TTC7B: variants seen among roughly 807,000 people sequenced by gnomAD.
TTC7B encodes tetratricopeptide repeat protein 7B.
In TTC7B, 28 loss-of-function variants were observed where a neutral mutation model predicts 106.8. The ratio of observed to expected loss-of-function variants is 0.26; its 90% CI spans 0.19 to 0.36. TTC7B has a LOEUF of 0.36. Among genes scored for constraint, TTC7B ranks in the 10% least tolerant of loss-of-function variants. The pLI is 1.00. For synonymous variants in TTC7B, 405 were observed against 430.6 expected, an observed-to-expected ratio of 0.94 and a Z score of 0.74; for missense variants, 862 against 1,076.4, an observed-to-expected ratio of 0.80 and a Z score of 2.79.
chr14:90,745,955 A>T (rs1053510024), intron 3 of TTC7B, among the ~76,000 whole-genome samples: 1 of 150,754 alleles, frequency 6.6e-6, no homozygotes, highest in African/African-American at 2.4e-5. Context: ...TGCCCGACTC[A>T]GCCTCCCAAA....
At chr14:90,563,972 C>T (rs1264506400) in intron 19 of TTC7B, among the ~76,000 whole-genome samples, 2 of 152,028 alleles carry the variant, frequency 1.3e-5, no homozygotes, top group Non-Finnish European at 2.9e-5. Context: ...GTCTTGACCC[C>T]CTCAAAGTCA....
At chr14:90,701,407 A>G (rs1887978547) in intron 5 of TTC7B, among the ~76,000 whole-genome samples, 1 of 152,086 alleles carries the variant, frequency 6.6e-6, no homozygotes, top group African/African-American at 2.4e-5. Flanking sequence ...AAGAAGTCAC[A>G]GAGAGTGGCT....
At chr14:90,803,198 C>A in intron 1 of TTC7B, among the ~76,000 whole-genome samples, 1 of 151,980 alleles carries the variant, frequency 6.6e-6, no homozygotes, top group Non-Finnish European at 1.5e-5. Context: ...GGTCACCCCT[C>A]CCCTCTAAAC....
intron 2 of TTC7B, among the ~76,000 whole-genome samples, chr14:90,781,274 A>G (rs1302361076): frequency 6.6e-6 from 1 of 152,080 alleles, no homozygotes; most frequent in Non-Finnish European, 1.5e-5. Context: ...GAGTTAGAAA[A>G]CAGATTAGTC....
chr14:90,635,304 T>C (rs1034278022), intron 15 of TTC7B, among the ~76,000 whole-genome samples: 41 of 151,796 alleles, frequency 2.7e-4, no homozygotes, highest in African/African-American at 9.9e-4. Context: ...ATAATCGATC[T>C]AAAAGAAAGC....
At chr14:90,693,593 G>A (rs2139943157) in intron 6 of TTC7B, among the ~76,000 whole-genome samples, 1 of 152,256 alleles carries the variant, frequency 6.6e-6, no homozygotes, top group Non-Finnish European at 1.5e-5. Flanking sequence ...AGAGAACGCT[G>A]CCAACAACAC....
At chr14:90,682,126 AT>A (rs796910496) in intron 7 of TTC7B, among the ~76,000 whole-genome samples, 39 of 149,640 alleles carry the variant, frequency 2.6e-4, no homozygotes, top group African/African-American at 9.3e-4. Context: ...AACATGAATC[AT>A]TTTTTTTTTC....
At chr14:90,756,397 GT>G (rs1890303163) in intron 3 of TTC7B, among the ~76,000 whole-genome samples, 1 of 96,842 alleles carries the variant, frequency 1.0e-5, no homozygotes, top group African/African-American at 3.3e-5. Flanking sequence ...TTTTTTTTTT[GT>G]TTTTTTGTTT....
chr14:90,635,557 G>A (rs1244176642), intron 15 of TTC7B, among the ~76,000 whole-genome samples: 1 of 150,504 alleles, frequency 6.6e-6, no homozygotes, highest in Non-Finnish European at 1.5e-5. Flanking sequence ...TCAGGAGATC[G>A]AGACCATCCT....
At chr14:90,722,442 C>T (rs555745134) in intron 5 of TTC7B, among the ~76,000 whole-genome samples, 2 of 152,310 alleles carry the variant, frequency 1.3e-5, no homozygotes, top group African/African-American at 4.8e-5. Flanking sequence ...CCCAAAACCC[C>T]ACCTTCCAGA....
At chr14:90,601,870 G>A (rs986555470) in intron 17 of TTC7B, 1 of 289,876 alleles carries the variant, frequency 3.4e-6, no homozygotes, top group East Asian at 9.3e-5. Flanking sequence ...CATTTTTACA[G>A]ATGAGGAAAT....
In TTC7B at chr14:90,610,245, C is replaced by T. The variant is rs554353690; in HGVS notation, c.1966+497G>A. ...TGTACTTAGGCAAATGTGGAACACACACACGACGAGGTGTGCAGATTTGCT... is the reference window on the plus strand; with the variant it reads ...TGTACTTAGGCAAATGTGGAACACATACACGACGAGGTGTGCAGATTTGCT... On this transcript the variant is annotated intron_variant, in intron 17 of 19. Transcript: ENST00000328459. Among the ~76,000 whole-genome samples, 5 of 152,360 alleles carry T rather than the reference C, an allele frequency of 3.3e-5. No individual in the cohort carries two copies. The East Asian group carries it at 5.8e-4, about 18-fold the overall frequency.
intron 1 of TTC7B, 80 bp downstream of exon 1, chr14:90,816,095 G>T: frequency 1.0e-6 from 1 of 974,714 alleles, no homozygotes; most frequent in Non-Finnish European, 1.2e-6. Flanking sequence ...CGCGCCCCGC[G>T]CCCGGCCGCG....
rs147923742 is a variant in TTC7B, at chr14:90,808,292, AAGAG to A, written c.121+7879_121+7882del. Among the ~76,000 whole-genome samples the A allele has an allele frequency of 6.6e-6, 1 of 151,984 alleles. No individual in the cohort carries two copies. Among genetic ancestry groups the A allele is most frequent in the Non-Finnish European group, 1.5e-5 (1 of 67,972 alleles). On this transcript the variant is annotated intron_variant, in intron 1 of 19. Coordinates refer to ENST00000328459, the MANE Select transcript of TTC7B (RefSeq NM_001010854.2). The surrounding 1 kb of genome is among the most constrained non-coding windows in gnomAD (Gnocchi z 4.2). ...GAAACCCGTCTCTACAGAAAAAATGAAGAGAGAGAGAGAGAAAGACAGAGAGAGA... is the reference window on the plus strand; with the variant it reads ...GAAACCCGTCTCTACAGAAAAAATGAAGAGAGAGAGAAAGACAGAGAGAGA...
rs1322372064 is a variant in TTC7B at position 90,802,502 on chromosome 14, C to CG, written c.121+13672dup. Among the ~76,000 whole-genome samples the CG allele has an allele frequency of 6.6e-6, 1 of 151,448 alleles. No individual in the cohort carries two copies. Among genetic ancestry groups the CG allele is most frequent in the South Asian group, 2.1e-4 (1 of 4,786 alleles). On this transcript the variant is annotated intron_variant, in intron 1 of 19. Transcript: ENST00000328459. This position sits in a 1 kb window ranked among gnomAD's most constrained non-coding sequence, Gnocchi z 4.7. Reference sequence around the variant, plus strand: ...AGCAGTGACAGAGGGGAAAGCTGGTCGAGTTAGTGGCATGAAACAAGGGAG... The same window carrying CG: ...AGCAGTGACAGAGGGGAAAGCTGGTCGGAGTTAGTGGCATGAAACAAGGGAG...
In TTC7B at chr14:90,606,968, A is replaced by G. The variant is rs1470135519; in HGVS notation, c.1966+3774T>C. Among the ~76,000 whole-genome samples, 2 of 152,224 alleles carry G rather than the reference A, an allele frequency of 1.3e-5. 1 individual carries two copies. Among genetic ancestry groups the G allele is most frequent in the Non-Finnish European group, 2.9e-5 (2 of 68,034 alleles). On this transcript the variant is annotated intron_variant, in intron 17 of 19. Coordinates refer to ENST00000328459, the MANE Select transcript of TTC7B (RefSeq NM_001010854.2). Reference sequence around the variant, plus strand: ...TGTAGTTATATATTTTTAAGCTCTTATCAGTTACACATATATCCTGAAATT... The same window carrying G: ...TGTAGTTATATATTTTTAAGCTCTTGTCAGTTACACATATATCCTGAAATT...
intron 2 of TTC7B, 34 bp downstream of exon 2, chr14:90,786,140 G>A (rs759690128): frequency 6.6e-7 from 1 of 1,511,820 alleles, no homozygotes; most frequent in Non-Finnish European, 8.8e-7. Flanking sequence ...ACTGTCCAAA[G>A]GAAGTGTCGC....
intron 19 of TTC7B, among the ~76,000 whole-genome samples, chr14:90,547,076 C>G (rs1018785666): frequency 1.3e-5 from 2 of 152,208 alleles, no homozygotes; most frequent in Non-Finnish European, 1.5e-5. Context: ...CCTGCAGCCA[C>G]TATGGGTTGG....
rs978894452 is a variant in TTC7B, at chr14:90,539,482, G to C, written c.*1886C>G. The C allele has an allele frequency of 6.6e-6, 1 of 152,426 alleles. No individual in the cohort carries two copies. The allele number at this position is 152,426 out of a possible 1,614,324, so 9.4% of individuals were successfully genotyped here. On this transcript the variant is annotated 3_prime_UTR_variant, in exon 20 of 20. Coordinates refer to ENST00000328459, the MANE Select transcript of TTC7B (RefSeq NM_001010854.2). ...CCAGGTCCTACATTGCAAATTCCAT[G>C]ACTTATGACCACTCAAAGCCACAAG...
Sources: gnomAD v4.1 joint callset for allele counts (sites outside exome capture counted in the v4.1 genomes callset) on GRCh38, gnomAD v4.1.1 for gene constraint, Gnocchi (gnomAD v3.1) non-coding constraint, MANE v1.5 for transcripts, NCBI Gene and HGNC (gene_info 2026-07-23, HGNC 2026-07-21) for gene names.